EPSTI1: variants seen among roughly 807,000 people sequenced by gnomAD.
The protein encoded by EPSTI1 is epithelial-stromal interaction protein 1.
In EPSTI1, 66 loss-of-function variants were observed where a neutral mutation model predicts 49.9. That is an observed-to-expected ratio of 1.32 (90% confidence interval 1.08 to 1.62). The LOEUF is 1.62. Among genes scored for constraint, EPSTI1 ranks in the 40% most tolerant of loss-of-function variants. The probability of loss-of-function intolerance (pLI) is 0.00; values close to 1 mark genes in which losing one functional copy is unlikely to be tolerated. For missense variants in EPSTI1, 394 were observed against 365.5 expected, an observed-to-expected ratio of 1.08 and a Z score of -0.64; for synonymous variants, 137 against 130.7, an observed-to-expected ratio of 1.05 and a Z score of -0.33.
At chr13:42,924,513 C>G (rs1042292307) in intron 7 of EPSTI1, among the ~76,000 whole-genome samples, 1 of 152,156 alleles carries the variant, frequency 6.6e-6, no homozygotes, top group South Asian at 2.1e-4. Flanking sequence ...AGGGAGCCCT[C>G]GAACGGAAAG....
In EPSTI1 at chr13:42,917,571, C is replaced by T. The variant is rs756427611; in HGVS notation, c.711G>A (p.Leu237=). ...DSLKAEENRK[L]QKMKDEQHQK... ...GATGTTGTTCATCCTTCATCTTTTG[C>T]AATTTTCTGTTTTCTTCTGCCTTTA... The change falls in exon 8 of 11, where the codon TTG becomes TTA. Residue 237 remains leucine, a synonymous_variant. Transcript: ENST00000313624. The T allele has an allele frequency of 1.2e-5, 17 of 1,449,232 alleles. No individual in the cohort carries two copies. In the East Asian group the frequency reaches 5.0e-4, roughly 42 times the overall value. The allele number at this position is 1,449,232 out of a possible 1,614,324, so 89.8% of individuals were successfully genotyped here. A position where few individuals can be genotyped will look rare whatever the true frequency, so the allele number is the denominator to read the frequency against.
chr13:42,928,515 C>T (rs2038257788), intron 6 of EPSTI1, among the ~76,000 whole-genome samples: 1 of 152,178 alleles, frequency 6.6e-6, no homozygotes, highest in African/African-American at 2.4e-5. Context: ...GGGTGGTCCT[C>T]TTCCACTTTG....
At chr13:42,939,631 T>C (rs1181541089) in intron 6 of EPSTI1, among the ~76,000 whole-genome samples, 2 of 151,972 alleles carry the variant, frequency 1.3e-5, no homozygotes, top group Admixed American at 1.3e-4. Flanking sequence ...GTGGGCAGGG[T>C]TTGTGGGTCC....
chr13:42,921,291 C>T (rs1168260330), intron 7 of EPSTI1, among the ~76,000 whole-genome samples: 1 of 152,096 alleles, frequency 6.6e-6, no homozygotes, highest in Non-Finnish European at 1.5e-5. Flanking sequence ...ATTCAAATGG[C>T]CTTGGATTTC....
chr13:42,953,508 T>C (rs567568924), intron 6 of EPSTI1, among the ~76,000 whole-genome samples: 2 of 152,366 alleles, frequency 1.3e-5, no homozygotes, highest in South Asian at 2.1e-4. Context: ...GTTGAGACTT[T>C]TGCCAATAAC....
chr13:42,919,230 A>T, intron 7 of EPSTI1: 3 of 1,468,718 alleles, frequency 2.0e-6, no homozygotes, highest in South Asian at 2.3e-5. Context: ...AGGTCCACAG[A>T]AACTGGGAAG....
chr13:42,936,290 C>A (rs1025413210), intron 6 of EPSTI1, among the ~76,000 whole-genome samples: 11 of 152,194 alleles, frequency 7.2e-5, no homozygotes, highest in African/African-American at 2.7e-4. Context: ...GTTACTGCCT[C>A]ATTTCATTGT....
chr13:42,955,598 T>A (rs1198420522), intron 5 of EPSTI1, among the ~76,000 whole-genome samples: 1 of 152,042 alleles, frequency 6.6e-6, no homozygotes, highest in African/African-American at 2.4e-5. Context: ...GGTCAGGAGT[T>A]CAAGACCAGT....
chr13:42,971,620 A>AG (rs1356664069), intron 1 of EPSTI1, among the ~76,000 whole-genome samples: 2 of 151,702 alleles, frequency 1.3e-5, no homozygotes, highest in Non-Finnish European at 2.9e-5. Flanking sequence ...GAGGGAGGGA[A>AG]AAAACCCCAC....
At position 42,970,671 on chromosome 13, in the gene EPSTI1, C is replaced by T. The variant is rs2039744719; in HGVS notation, c.189-1G>A. 6.3e-7 allele frequency: 1 copy of T among 1,591,294 alleles called. No individual in the cohort carries two copies. Among genetic ancestry groups the T allele is most frequent in the Non-Finnish European group, 8.5e-7 (1 of 1,172,972 alleles). On this transcript the variant is annotated splice_acceptor_variant, in intron 1 of 10. Transcript: ENST00000313624. LOFTEE classifies it high-confidence loss of function. Reference sequence around the variant, plus strand: ...TGCTATCAAGGTGTATGCACTTGTGCTAAAAGGAAGAGAAAAAAAAATGCT... The same window carrying T: ...TGCTATCAAGGTGTATGCACTTGTGTTAAAAGGAAGAGAAAAAAAAATGCT...
chr13:42,900,367 A>T lies in EPSTI1; in HGVS notation c.758T>A (p.Leu253Gln), dbSNP rs1434341152. Residue 253 changes from leucine to glutamine, a missense_variant, in exon 9 of 11, where the codon CTG (leucine) becomes CAG (glutamine). Coordinates refer to ENST00000313624, the MANE Select transcript of EPSTI1 (RefSeq NM_033255.5). ...TTCTTGCTCTTGCTGCTGCCGTTTCAGTTCCAGTAATTCACTCTAGGAACA... is the reference window on the plus strand; with the variant it reads ...TTCTTGCTCTTGCTGCTGCCGTTTCTGTTCCAGTAATTCACTCTAGGAACA... ...EQHQKSELLELKRQQQEQERA... is the reference protein window; with the variant it reads ...EQHQKSELLEQKRQQQEQERA... 1.9e-6 allele frequency: 3 copies of T among 1,613,562 alleles called. No homozygotes were observed. The highest frequency in any genetic ancestry group is 2.5e-6 in the Non-Finnish European group (3 of 1,179,750).
chr13:42,970,386 G>A (rs1049244304), intron 2 of EPSTI1: 5 of 412,222 alleles, frequency 1.2e-5, no homozygotes, highest in African/African-American at 6.2e-5. Flanking sequence ...AGAAATCCAG[G>A]ATCTACCATC....
chr13:42,910,555 A>G (rs2037640071), intron 8 of EPSTI1, among the ~76,000 whole-genome samples: 1 of 152,064 alleles, frequency 6.6e-6, no homozygotes, highest in Non-Finnish European at 1.5e-5. Flanking sequence ...CGCCTGGTCC[A>G]ACTCTCTTAT....
intron 1 of EPSTI1, among the ~76,000 whole-genome samples, chr13:42,975,453 A>G (rs1177498695): frequency 6.6e-6 from 1 of 152,180 alleles, no homozygotes; most frequent in Non-Finnish European, 1.5e-5. Flanking sequence ...TCATCAGCAC[A>G]ACTCATTGCC....
intron 7 of EPSTI1, chr13:42,919,423 T>G: frequency 8.8e-7 from 1 of 1,137,066 alleles, no homozygotes; most frequent in Non-Finnish European, 1.3e-6. Context: ...TTCACATAAT[T>G]TGTCTAACAT....
At chr13:42,891,620 G>A (rs539470660) in intron 10 of EPSTI1, among the ~76,000 whole-genome samples, 1 of 152,008 alleles carries the variant, frequency 6.6e-6, no homozygotes, top group Admixed American at 6.5e-5. Flanking sequence ...TTCATCAAAC[G>A]TTTTATACAT....
intron 3 of EPSTI1, among the ~76,000 whole-genome samples, chr13:42,968,786 C>A (rs148210516): frequency 6.6e-6 from 1 of 152,016 alleles, no homozygotes. Flanking sequence ...GCATATGCAG[C>A]GCCCCAGGTA....
chr13:42,953,875 G>T, intron 6 of EPSTI1, 73 bp downstream of exon 6: 2 of 1,190,954 alleles, frequency 1.7e-6, no homozygotes, highest in Non-Finnish European at 2.4e-6. Context: ...TGACAAGTTA[G>T]CATCACCTGA....
At chr13:42,951,921 A>G (rs1262035549) in intron 6 of EPSTI1, among the ~76,000 whole-genome samples, 1 of 152,202 alleles carries the variant, frequency 6.6e-6, no homozygotes, top group East Asian at 1.9e-4. Flanking sequence ...GACTTGGAGA[A>G]CTTTTCTGTC....
Sources: allele counts gnomAD v4.1 joint callset (sites outside exome capture counted in the v4.1 genomes callset), GRCh38; gene constraint gnomAD v4.1.1; transcripts MANE v1.5; gene names NCBI Gene and HGNC (gene_info 2026-07-23, HGNC 2026-07-21).